The following TNKS variants were observed in gnomAD, a reference collection of about 807,000 sequenced individuals.
TNKS encodes the protein poly [ADP-ribose] polymerase tankyrase-1.
Under a neutral mutation model 135.8 loss-of-function variants are expected in TNKS, and 72 were observed. The ratio of observed to expected loss-of-function variants is 0.53; its 90% CI spans 0.44 to 0.64. TNKS has a LOEUF of 0.64. TNKS is among the 30% of genes least tolerant of loss of function. TNKS has a pLI of 0.00. For missense variants in TNKS, 1,769 were observed against 1,674.0 expected, an observed-to-expected ratio of 1.06 and a Z score of -0.99; for synonymous variants, 849 against 649.3, an observed-to-expected ratio of 1.31 and a Z score of -4.68.
intron 15 of TNKS, 36 bp downstream of exon 15, chr8:9,733,480 T>G: frequency 6.5e-7 from 1 of 1,541,392 alleles, no homozygotes; most frequent in Non-Finnish European, 8.8e-7. Flanking sequence ...TATAACTAAT[T>G]TTATTTATAT....
chr8:9,569,158 A>G (rs1797664633), intron 1 of TNKS, among the ~76,000 whole-genome samples: 1 of 152,190 alleles, frequency 6.6e-6, no homozygotes, highest in Non-Finnish European at 1.5e-5. Context: ...GAAAGCTCAG[A>G]TTTTATCATT....
chr8:9,583,036 G>A (rs902742025), intron 2 of TNKS, among the ~76,000 whole-genome samples: 4 of 151,670 alleles, frequency 2.6e-5, no homozygotes, highest in African/African-American at 4.8e-5. Flanking sequence ...GTGTGGTGGC[G>A]GGCACCTATT....
rs962811779 is a variant in TNKS, at chr8:9,647,651, A to G, written c.994+31974A>G. 1.2e-4 allele frequency among the ~76,000 whole-genome samples: 19 copies of G among 152,194 alleles called. No homozygotes were observed. In the East Asian group the frequency reaches 3.7e-3, roughly 29 times the overall value. ...ATAACACTTCAGACATTATATTAAG[A>G]AAATCATTTGTGGGTCTGTCTTCTT... On this transcript the variant is annotated intron_variant, in intron 3 of 26. Transcript: ENST00000310430.
intron 12 of TNKS, among the ~76,000 whole-genome samples, chr8:9,724,462 T>C (rs1260154077): frequency 2.0e-5 from 3 of 152,178 alleles, no homozygotes; most frequent in African/African-American, 7.2e-5. Flanking sequence ...TTTCATGTTA[T>C]ACAAACCTAG....
intron 18 of TNKS, 33 bp downstream of exon 18, chr8:9,748,245 C>T (rs775997844): frequency 1.4e-6 from 2 of 1,420,932 alleles, no homozygotes; most frequent in South Asian, 1.7e-5. Context: ...GATTATTGTT[C>T]CTTCTACTTT....
In TNKS at chr8:9,770,710, G is replaced by A. The variant is rs536025337; in HGVS notation, c.3897+448G>A. 6.6e-5 allele frequency among the ~76,000 whole-genome samples: 10 copies of A among 152,306 alleles called. No individual in the cohort carries two copies. The East Asian group carries it at 1.9e-3, about 29-fold the overall frequency. ...AACTACAATAAAAGAGAAAAATAAA[G>A]AAGGAAATAACTAAATATATATAAC... On this transcript the variant is annotated intron_variant, in intron 26 of 26. Transcript: ENST00000310430.
At chr8:9,631,451 T>C (rs1800284102) in intron 3 of TNKS, among the ~76,000 whole-genome samples, 2 of 152,364 alleles carry the variant, frequency 1.3e-5, no homozygotes, top group Admixed American at 1.3e-4. Context: ...TTGGTAATTA[T>C]TCTATAAAAT....
chr8:9,761,766 C>T, intron 21 of TNKS, 130 bp downstream of exon 21: 1 of 945,822 alleles, frequency 1.1e-6, no homozygotes, highest in Non-Finnish European at 1.5e-6. Flanking sequence ...CTGTCCCTTC[C>T]CCATCTCAGT....
chr8:9,592,520 G>A (rs934417534), intron 2 of TNKS, among the ~76,000 whole-genome samples: 34 of 152,086 alleles, frequency 2.2e-4, no homozygotes, highest in Admixed American at 1.1e-3. Flanking sequence ...TGTGCACTGA[G>A]TATGTTTACT....
Position 9,598,729 on chromosome 8 carries a change from G to GTC in TNKS, c.899-16852_899-16851insCT, listed in dbSNP as rs1554444990. Among the ~76,000 whole-genome samples, 8 of 123,526 alleles carry GTC rather than the reference G, an allele frequency of 6.5e-5. No individual in the cohort carries two copies. In the South Asian group the frequency reaches 1.7e-3, roughly 26 times the overall value. 81.0% of individuals were successfully genotyped at this position (123,526 alleles called of 152,430 possible). ...TATGTGTGTGTGTGTGTGTGTGTGTGTGTGTCTGTGTGTGTATATATGTAT... is the reference window on the plus strand; with the variant it reads ...TATGTGTGTGTGTGTGTGTGTGTGTGTCTGTGTCTGTGTGTGTATATATGTAT... On this transcript the variant is annotated intron_variant, in intron 2 of 26. Transcript: ENST00000310430.
intron 20 of TNKS, among the ~76,000 whole-genome samples, chr8:9,753,718 C>T (rs1273019195): frequency 6.6e-6 from 1 of 152,080 alleles, no homozygotes; most frequent in Non-Finnish European, 1.5e-5. Flanking sequence ...TATAATAACA[C>T]CCATGTTAGT....
intron 3 of TNKS, among the ~76,000 whole-genome samples, chr8:9,636,776 C>T (rs888665343): frequency 2.0e-5 from 3 of 152,134 alleles, no homozygotes; most frequent in East Asian, 1.9e-4. Flanking sequence ...GAATACGTTA[C>T]GTTAGATGGA....
intron 2 of TNKS, among the ~76,000 whole-genome samples, chr8:9,604,499 A>G (rs1799144686): frequency 6.6e-6 from 1 of 152,106 alleles, no homozygotes; most frequent in South Asian, 2.1e-4. Flanking sequence ...CCTAACATAT[A>G]TAACGTATAT....
intron 3 of TNKS, among the ~76,000 whole-genome samples, chr8:9,617,748 T>G (rs1414833022): frequency 6.6e-6 from 1 of 152,230 alleles, no homozygotes; most frequent in Non-Finnish European, 1.5e-5. Context: ...TAGAGATCAT[T>G]CTGAGTAATA....
At chr8:9,602,598 C>T (rs1027072066) in intron 2 of TNKS, among the ~76,000 whole-genome samples, 1 of 152,188 alleles carries the variant, frequency 6.6e-6, no homozygotes, top group South Asian at 2.1e-4. Flanking sequence ...AGCCAGTAGC[C>T]TACACCTACA....
At chr8:9,666,314 AG>A (rs1283770635) in intron 3 of TNKS, among the ~76,000 whole-genome samples, 1 of 152,258 alleles carries the variant, frequency 6.6e-6, no homozygotes, top group Admixed American at 6.5e-5. Flanking sequence ...ACAATTACAT[AG>A]GAAGCTTATA....
chr8:9,560,236 G>A (rs1436060188), intron 1 of TNKS, among the ~76,000 whole-genome samples: 2 of 151,718 alleles, frequency 1.3e-5, no homozygotes, highest in African/African-American at 4.8e-5. Flanking sequence ...TTTTTATTAA[G>A]GCCTTAGTAA....
rs1048681302 is a variant in TNKS at position 9,610,980 on chromosome 8, C to T, written c.899-4602C>T. On this transcript the variant is annotated intron_variant, in intron 2 of 26. Transcript: ENST00000310430. ...AATAGTTTTAAAGGATGAAATGAAA[C>T]AACATAGCTAAAGTAATACCTGCTG... 5.9e-5 allele frequency among the ~76,000 whole-genome samples: 9 copies of T among 152,134 alleles called. No homozygotes were observed. In the East Asian group the frequency reaches 1.7e-3, roughly 29 times the overall value.
In TNKS at chr8:9,769,719, G is replaced by A. The variant is rs558562296; in HGVS notation, c.3741-387G>A. Among the ~76,000 whole-genome samples, 19 of 143,148 alleles carry A rather than the reference G, an allele frequency of 1.3e-4. 1 individual carries two copies. Among genetic ancestry groups the A allele is most frequent in the African/African-American group, 4.7e-4 (18 of 38,418 alleles). 93.9% of individuals were successfully genotyped at this position (143,148 alleles called of 152,430 possible). ...ACTGCAAGCTCCACCTCCCGTGTTC[G>A]TGCCATTCTCCTGCCTCAGCCTCCC... On this transcript the variant is annotated intron_variant, in intron 25 of 26. Coordinates refer to ENST00000310430, the MANE Select transcript of TNKS (RefSeq NM_003747.3).
Sources: allele counts gnomAD v4.1 joint callset (sites outside exome capture counted in the v4.1 genomes callset), GRCh38; gene constraint gnomAD v4.1.1; transcripts MANE v1.5; gene names NCBI Gene and HGNC (gene_info 2026-07-23, HGNC 2026-07-21).